Variants in ARFGEF2 observed in about 807,000 individuals in gnomAD.
The protein encoded by ARFGEF2 is ARF guanine nucleotide exchange factor 2.
ARFGEF2 carries 74 observed loss-of-function variants against 219.9 expected under a neutral mutation model. That is an observed-to-expected ratio of 0.34 (90% CI 0.28 to 0.41). The LOEUF is 0.41. Ranked by LOEUF, ARFGEF2 falls within the 10% of genes least tolerant of loss-of-function variation. The pLI is 1.00. For synonymous variants in ARFGEF2, 733 were observed against 799.2 expected, an observed-to-expected ratio of 0.92 and a Z score of 1.40; for missense variants, 1,743 against 2,218.3, an observed-to-expected ratio of 0.79 and a Z score of 4.30.
intron 7 of ARFGEF2, 129 bp from the exon 8 acceptor site, chr20:48,965,743 C>G: frequency 9.3e-7 from 1 of 1,073,286 alleles, no homozygotes; most frequent in Non-Finnish European, 1.4e-6. Context: ...CAGTCATGGG[C>G]TGGTGGCACA....
intron 30 of ARFGEF2, among the ~76,000 whole-genome samples, chr20:49,016,042 C>T (rs916972516): frequency 3.3e-5 from 5 of 152,052 alleles, no homozygotes; most frequent in African/African-American, 7.2e-5. Flanking sequence ...CAAATCTATG[C>T]GTTTTTTATT....
intron 1 of ARFGEF2, among the ~76,000 whole-genome samples, chr20:48,936,143 C>A (rs1457171842): frequency 7.0e-6 from 1 of 141,868 alleles, no homozygotes; most frequent in Non-Finnish European, 1.5e-5. Flanking sequence ...CCACCTCCCT[C>A]CCGGACGGGG....
At chr20:49,004,616 C>T (rs1162124232) in intron 25 of ARFGEF2, among the ~76,000 whole-genome samples, 1 of 151,856 alleles carries the variant, frequency 6.6e-6, no homozygotes, top group Non-Finnish European at 1.5e-5. Flanking sequence ...GCTTGGCCAA[C>T]ATGGTGAAAC....
Position 48,949,005 on chromosome 20 carries a change from A to G in ARFGEF2, c.277-2318A>G, listed in dbSNP as rs192752063. 3.3e-5 allele frequency among the ~76,000 whole-genome samples: 5 copies of G among 152,292 alleles called. No homozygotes were observed. In the East Asian group the frequency reaches 9.6e-4, roughly 29 times the overall value. ...GAAAAATAATTACGTTTGTCTTACT[A>G]TTGTATCCCCAGTGCCCAGAACAGG... On this transcript the variant is annotated intron_variant, in intron 3 of 38. Transcript: ENST00000371917.
chr20:48,991,464 ATTTT>A (rs71337479), intron 21 of ARFGEF2, among the ~76,000 whole-genome samples: 1 of 134,914 alleles, frequency 7.4e-6, no homozygotes. Context: ...TATTAGTGCC[ATTTT>A]TTTTTTTTTT....
At chr20:49,027,785 G>A (rs1043177908) in intron 36 of ARFGEF2, among the ~76,000 whole-genome samples, 2 of 152,092 alleles carry the variant, frequency 1.3e-5, no homozygotes, top group African/African-American at 2.4e-5. Flanking sequence ...CTGGGGAGTC[G>A]TAACTGCCTT....
At chr20:48,965,298 T>C (rs1243673736) in intron 7 of ARFGEF2, among the ~76,000 whole-genome samples, 5 of 152,252 alleles carry the variant, frequency 3.3e-5, no homozygotes, top group Non-Finnish European at 7.3e-5. Context: ...TCTCATTGTT[T>C]CATGTCCCTT....
In ARFGEF2 at chr20:48,988,668, G is replaced by A. The variant is rs1402394325; in HGVS notation, c.2533+6G>A. On this transcript the variant is annotated splice_donor_region_variant and intron_variant, in intron 18 of 38. Coordinates refer to ENST00000371917, the MANE Select transcript of ARFGEF2 (RefSeq NM_006420.3). Reference sequence around the variant, plus strand: ...AACCAAATCTACTAAGCAGAGTAAGGTCTAATGGCAAATTATTTCTTTTAG... The same window carrying A: ...AACCAAATCTACTAAGCAGAGTAAGATCTAATGGCAAATTATTTCTTTTAG... 2 of 1,611,064 alleles carry A rather than the reference G, an allele frequency of 1.2e-6. No individual in the cohort carries two copies. The highest frequency in any genetic ancestry group is 1.7e-6 in the Non-Finnish European group (2 of 1,178,676).
intron 3 of ARFGEF2, among the ~76,000 whole-genome samples, chr20:48,949,529 G>A (rs2091051423): frequency 6.6e-6 from 1 of 152,128 alleles, no homozygotes; most frequent in South Asian, 2.1e-4. Flanking sequence ...TTTGGGGGTT[G>A]GACTTGAGCA....
At chr20:48,967,766 T>C (rs1242222889) in intron 8 of ARFGEF2, among the ~76,000 whole-genome samples, 2 of 152,182 alleles carry the variant, frequency 1.3e-5, no homozygotes, top group African/African-American at 4.8e-5. Flanking sequence ...ATTCCCTCAT[T>C]AAAACTAGGC....
rs751708790 is a variant in ARFGEF2, at chr20:48,921,978, C to T, written c.89C>T (p.Ser30Phe). The T allele has an allele frequency of 5.1e-6, 8 of 1,578,744 alleles. No homozygotes were observed. Among genetic ancestry groups the T allele is most frequent in the African/African-American group, 1.3e-5 (1 of 74,174 alleles). ...ADKEVKRPQH[S>F]QLRRACQVAL... ...AAGGAGGTGAAGCGGCCCCAGCACT[C>T]CCAGCTGCGCAGGGCCTGCCAGGTG... Residue 30 changes from serine to phenylalanine, a missense_variant, in exon 1 of 39, where the codon TCC (serine) becomes TTC (phenylalanine). Physicochemically the swap from Ser to Phe is radical, Grantham distance 155. This residue lies in a region of ARFGEF2 where 394 missense variants were observed against 426.6 expected (regional missense o/e 0.92). Transcript: ENST00000371917.
intron 14 of ARFGEF2, 89 bp downstream of exon 14, chr20:48,976,288 C>CTTT: frequency 6.6e-7 from 1 of 1,520,342 alleles, no homozygotes; most frequent in Non-Finnish European, 9.0e-7. Flanking sequence ...AAGGAAATGC[C>CTTT]TGTTTACAAA....
intron 13 of ARFGEF2, 111 bp downstream of exon 13, chr20:48,974,985 T>A: frequency 3.4e-6 from 3 of 877,960 alleles, no homozygotes; most frequent in Non-Finnish European, 5.6e-6. Context: ...CTTTTTAGTT[T>A]GCTAAATACC....
intron 5 of ARFGEF2, among the ~76,000 whole-genome samples, chr20:48,953,296 C>T (rs1229189148): frequency 6.6e-6 from 1 of 151,780 alleles, no homozygotes. Flanking sequence ...CCACCTCAAC[C>T]TCCCAAGTAG....
rs182356022 is a variant in ARFGEF2 at position 49,003,474 on chromosome 20, G to A, written c.3433-1596G>A. ...ACAAAAATTAGCCGATCTTGGTGGC[G>A]GGCACCTGTAATCCTAGCTACTCAG... is the stretch of plus-strand genomic sequence containing the variant. On this transcript the variant is annotated intron_variant, in intron 25 of 38. Coordinates refer to ENST00000371917, the MANE Select transcript of ARFGEF2 (RefSeq NM_006420.3). 4.0e-5 allele frequency among the ~76,000 whole-genome samples: 6 copies of A among 151,684 alleles called. No individual in the cohort carries two copies. The East Asian group carries it at 1.2e-3, about 30-fold the overall frequency.
chr20:48,936,105 C>T (rs1336913200), intron 1 of ARFGEF2, among the ~76,000 whole-genome samples: 18 of 136,842 alleles, frequency 1.3e-4, no homozygotes, highest in African/African-American at 4.8e-4. Flanking sequence ...CCGGACGGGG[C>T]GGCTGGCCGG....
At chr20:48,941,097 C>T (rs557683950) in intron 1 of ARFGEF2, 102 bp from the exon 2 acceptor site, 13 of 1,067,284 alleles carry the variant, frequency 1.2e-5, no homozygotes, top group East Asian at 5.1e-5. Context: ...TTAAACATCT[C>T]GTTAACAATC....
At chr20:48,978,902 A>G (rs1470514202) in intron 14 of ARFGEF2, among the ~76,000 whole-genome samples, 1 of 152,206 alleles carries the variant, frequency 6.6e-6, no homozygotes. Context: ...CTAAACATAC[A>G]ATCATGTCAT....
At chr20:48,955,025 G>A (rs1366610009) in intron 6 of ARFGEF2, among the ~76,000 whole-genome samples, 1 of 152,154 alleles carries the variant, frequency 6.6e-6, no homozygotes, top group Non-Finnish European at 1.5e-5. Flanking sequence ...CTGCATAAAA[G>A]TGCTTCCACT....
Sources: gnomAD v4.1 joint callset for allele counts (sites outside exome capture counted in the v4.1 genomes callset) on GRCh38, gnomAD v4.1.1 for gene constraint, gnomAD v4.1.1 regional missense constraint, MANE v1.5 for transcripts, NCBI Gene and HGNC (gene_info 2026-07-23, HGNC 2026-07-21) for gene names.